Variants in SYT2 observed in about 807,000 individuals in gnomAD.
The protein encoded by SYT2 is synaptotagmin 2.
In SYT2, 15 loss-of-function variants were observed where a neutral mutation model predicts 39.9. The ratio of observed to expected loss-of-function variants is 0.38; its 90% confidence interval spans 0.25 to 0.58. The LOEUF (loss-of-function observed/expected upper bound fraction) is 0.58. SYT2 is among the 20% of genes least tolerant of loss of function. SYT2 has a pLI of 0.70. For missense variants in SYT2, 389 were observed against 530.3 expected (o/e 0.73, Z 2.62); for synonymous variants, 181 against 204.5 (o/e 0.89, Z 0.98).
intron 1 of SYT2, among the ~76,000 whole-genome samples, chr1:202,642,964 G>A (rs2149098246): frequency 6.6e-6 from 1 of 152,390 alleles, no homozygotes; most frequent in Admixed American, 6.5e-5. Flanking sequence ...TTGGACCCGG[G>A]CTCTCCGCGG....
intron 1 of SYT2, among the ~76,000 whole-genome samples, chr1:202,700,535 A>G (rs1654086311): frequency 6.6e-6 from 1 of 152,228 alleles, no homozygotes; most frequent in Non-Finnish European, 1.5e-5. Context: ...AAATTTCTAA[A>G]TTAGCTCAAA....
chr1:202,630,119 G>A (rs1691539144), intron 1 of SYT2, among the ~76,000 whole-genome samples: 1 of 152,216 alleles, frequency 6.6e-6, no homozygotes, highest in African/African-American at 2.4e-5. Flanking sequence ...TACACTGGAG[G>A]GGCAGGCAGG....
intron 1 of SYT2, among the ~76,000 whole-genome samples, chr1:202,683,740 T>A (rs201223569): frequency 6.0e-5 from 8 of 132,562 alleles, no homozygotes; most frequent in Admixed American, 1.6e-4. Context: ...AGACCCTGTT[T>A]AAAAAAAAAA....
chr1:202,626,651 G>A (rs1442707611), intron 1 of SYT2, among the ~76,000 whole-genome samples: 1 of 151,932 alleles, frequency 6.6e-6, no homozygotes, highest in Non-Finnish European at 1.5e-5. Flanking sequence ...ACAGGCCTGA[G>A]CCACCGCATG....
At chr1:202,702,150 C>T (rs751863044) in intron 1 of SYT2, among the ~76,000 whole-genome samples, 3 of 152,166 alleles carry the variant, frequency 2.0e-5, no homozygotes, top group Non-Finnish European at 4.4e-5. Flanking sequence ...CCCAGGGCAC[C>T]CCTGCCACCC....
intron 1 of SYT2, among the ~76,000 whole-genome samples, chr1:202,645,671 T>C (rs1667275828): frequency 6.6e-6 from 1 of 152,238 alleles, no homozygotes; most frequent in African/African-American, 2.4e-5. Context: ...TGTAAGGTTA[T>C]GTCTGCTCCT....
chr1:202,632,769 A>G lies in SYT2; in HGVS notation c.-17-26980T>C, dbSNP rs115866055. ...TTTATGCCATCTTTCCTTTCAGTCA[A>G]ATGATGCAGGATTTGGGACCAGACA... is the stretch of plus-strand genomic sequence containing the variant. On this transcript the variant is annotated intron_variant, in intron 1 of 8. Transcript: ENST00000367268. The G allele has an allele frequency of 5.2e-3, 820 of 156,858 alleles. 10 individuals are homozygous for G. Among genetic ancestry groups the G allele is most frequent in the African/African-American group, 0.019 (777 of 41,606 alleles). The allele number at this position is 156,858 out of a possible 1,614,324, so 9.7% of individuals were successfully genotyped here.
intron 1 of SYT2, among the ~76,000 whole-genome samples, chr1:202,667,454 C>T (rs1692499895): frequency 6.8e-6 from 1 of 147,872 alleles, no homozygotes; most frequent in Non-Finnish European, 1.5e-5. Context: ...AGACAACAGG[C>T]AAGTGACCAG....
rs1188216011 is a variant in SYT2, at chr1:202,642,341, T to A, written c.-17-36552A>T. Among the ~76,000 whole-genome samples the A allele has an allele frequency of 2.0e-5, 3 of 151,920 alleles. No homozygotes were observed. The East Asian group carries it at 5.8e-4, about 29-fold the overall frequency. On this transcript the variant is annotated intron_variant, in intron 1 of 8. Coordinates refer to ENST00000367268, the MANE Select transcript of SYT2 (RefSeq NM_177402.5). Reference sequence around the variant, plus strand: ...GCAGAGGCTCGGGCAGGCGTGCCCATGAGCTTGTCCCCCCGCGCGCCCTCC... The same window carrying A: ...GCAGAGGCTCGGGCAGGCGTGCCCAAGAGCTTGTCCCCCCGCGCGCCCTCC...
intron 1 of SYT2, among the ~76,000 whole-genome samples, chr1:202,652,966 C>A (rs112537982): frequency 3.3e-4 from 50 of 151,492 alleles, no homozygotes; most frequent in Admixed American, 1.5e-3. Flanking sequence ...ACCCACCCCC[C>A]CTTAGAGTTT....
At chr1:202,630,172 GA>G (rs957428058) in intron 1 of SYT2, among the ~76,000 whole-genome samples, 1 of 152,184 alleles carries the variant, frequency 6.6e-6, no homozygotes, top group African/African-American at 2.4e-5. Flanking sequence ...TTTCTTTGGT[GA>G]TTACACTGGT....
chr1:202,680,568 A>G (rs1049929722), intron 1 of SYT2, among the ~76,000 whole-genome samples: 1 of 152,188 alleles, frequency 6.6e-6, no homozygotes, highest in Non-Finnish European at 1.5e-5. Flanking sequence ...TATCACTGTT[A>G]TAACCAATGG....
rs565907455 is a variant in SYT2, at chr1:202,635,415, A to G, written c.-17-29626T>C. Among the ~76,000 whole-genome samples the G allele has an allele frequency of 4.6e-5, 7 of 152,366 alleles. No individual in the cohort carries two copies. The South Asian group carries it at 1.4e-3, about 32-fold the overall frequency. On this transcript the variant is annotated intron_variant, in intron 1 of 8. Transcript: ENST00000367268. ...TGTCAGGAGCAGGGTCACGGGAGACAGGCACCAGAAGGGAAACCTACATTT... is the reference window on the plus strand; with the variant it reads ...TGTCAGGAGCAGGGTCACGGGAGACGGGCACCAGAAGGGAAACCTACATTT...
chr1:202,680,782 G>A (rs558909158), intron 1 of SYT2, among the ~76,000 whole-genome samples: 1 of 152,270 alleles, frequency 6.6e-6, no homozygotes, highest in South Asian at 2.1e-4. Context: ...TGTCCAACAA[G>A]CAAATTCCTG....
intron 1 of SYT2, among the ~76,000 whole-genome samples, chr1:202,607,760 A>G (rs1177818010): frequency 6.6e-6 from 1 of 152,176 alleles, no homozygotes; most frequent in Non-Finnish European, 1.5e-5. Flanking sequence ...GGGGACAAAG[A>G]GATGGGTCCG....
rs112461861 is a variant in SYT2 at position 202,597,674 on chromosome 1, G to A, written c.1054-711C>T. Among the ~76,000 whole-genome samples the A allele has an allele frequency of 4.9e-3, 744 of 152,134 alleles. 5 individuals carry two copies. Among genetic ancestry groups the A allele is most frequent in the African/African-American group, 0.016 (682 of 41,432 alleles). On this transcript the variant is annotated intron_variant, in intron 8 of 8. Coordinates refer to ENST00000367268, the MANE Select transcript of SYT2 (RefSeq NM_177402.5). ...TGACGACTTTAAGAAAAGGAGTGTCGTGGACATTTGAGAGAGAGAGCCCTG... is the reference window on the plus strand; with the variant it reads ...TGACGACTTTAAGAAAAGGAGTGTCATGGACATTTGAGAGAGAGAGCCCTG...
At chr1:202,672,776 A>G (rs113903729) in intron 1 of SYT2, among the ~76,000 whole-genome samples, 177 of 31,110 alleles carry the variant, frequency 5.7e-3, no homozygotes, top group African/African-American at 0.02. Flanking sequence ...AGAGGGAGGG[A>G]GGGAGAGAGA....
chr1:202,649,920 C>G (rs1295076655), intron 1 of SYT2, among the ~76,000 whole-genome samples: 2 of 152,242 alleles, frequency 1.3e-5, no homozygotes, highest in Non-Finnish European at 2.9e-5. Flanking sequence ...CAAGACCGCA[C>G]AGCCAACTTC....
At chr1:202,607,619 CTGTACA>C (rs1690750615) in intron 1 of SYT2, among the ~76,000 whole-genome samples, 6 of 152,276 alleles carry the variant, frequency 3.9e-5, no homozygotes, top group African/African-American at 1.4e-4. Context: ...TTCTGGTGGC[CTGTACA>C]TTGATGCAAT....
Sources: gnomAD v4.1 joint callset for allele counts (sites outside exome capture counted in the v4.1 genomes callset) on GRCh38, gnomAD v4.1.1 for gene constraint, MANE v1.5 for transcripts, NCBI Gene and HGNC (gene_info 2026-07-23, HGNC 2026-07-21) for gene names.